HK1: variants seen among roughly 807,000 people sequenced by gnomAD.
HK1 encodes hexokinase-1.
A neutral mutation model predicts 91.6 loss-of-function variants in HK1; 28 were observed. The ratio of observed to expected loss-of-function variants is 0.31; its 90% confidence interval spans 0.23 to 0.42. The LOEUF (loss-of-function observed/expected upper bound fraction) is 0.42, where lower values mean the gene tolerates loss of function less well. Among genes scored for constraint, HK1 ranks in the 10% least tolerant of loss-of-function variants. HK1 has a pLI of 1.00. For synonymous variants in HK1, 430 were observed against 468.1 expected (o/e 0.92, Z 1.05); for missense variants, 770 against 1,219.8 (o/e 0.63, Z 5.49).
intron 1 of HK1, among the ~76,000 whole-genome samples, chr10:69,335,217 G>A (rs1475873688): frequency 6.6e-6 from 1 of 152,216 alleles, no homozygotes; most frequent in Admixed American, 6.5e-5. Flanking sequence ...GTGCAGTCAG[G>A]AAGAGGAGTC....
intron 13 of HK1, 41 bp from the exon 14 acceptor site, chr10:69,389,156 A>C (rs1181917091): frequency 1.3e-6 from 2 of 1,488,762 alleles, no homozygotes; most frequent in Non-Finnish European, 1.9e-6. Context: ...AGCCAGGCAT[A>C]GTGATCCTAT....
chr10:69,310,276 C>G (rs1846306559), intron 5 of HK1, among the ~76,000 whole-genome samples: 1 of 151,574 alleles, frequency 6.6e-6, no homozygotes, highest in African/African-American at 2.4e-5. Context: ...CAAAAATTAG[C>G]CGGGTGTGGT....
At chr10:69,279,270 C>T (rs1047835598) in intron 1 of HK1, among the ~76,000 whole-genome samples, 5 of 152,186 alleles carry the variant, frequency 3.3e-5, no homozygotes, top group Non-Finnish European at 7.3e-5. Flanking sequence ...TGCCCTCTTC[C>T]TCATGTGGTG....
At chr10:69,361,441 C>T (rs1009635719) in intron 3 of HK1, among the ~76,000 whole-genome samples, 1 of 152,260 alleles carries the variant, frequency 6.6e-6, no homozygotes, top group African/African-American at 2.4e-5. Context: ...TGGCATCCTG[C>T]ACTTTCTGTT....
At chr10:69,373,240 C>T (rs1161779091) in intron 7 of HK1, among the ~76,000 whole-genome samples, 1 of 152,228 alleles carries the variant, frequency 6.6e-6, no homozygotes, top group Non-Finnish European at 1.5e-5. Context: ...GGGCTCTAGA[C>T]TACCAACAGC....
chr10:69,377,405 A>G (rs1430388723), intron 8 of HK1, among the ~76,000 whole-genome samples: 2 of 150,698 alleles, frequency 1.3e-5, no homozygotes, highest in African/African-American at 4.9e-5. Context: ...GGGTAAGATT[A>G]GCGTCCAGGA....
At chr10:69,378,492 C>T (rs1251113254) in intron 8 of HK1, among the ~76,000 whole-genome samples, 1 of 151,930 alleles carries the variant, frequency 6.6e-6, no homozygotes, top group Non-Finnish European at 1.5e-5. Flanking sequence ...GTATGAGAAT[C>T]AAAAAAGAAG....
intron 1 of HK1, among the ~76,000 whole-genome samples, chr10:69,330,789 C>T (rs1847673265): frequency 6.6e-6 from 1 of 152,172 alleles, no homozygotes; most frequent in African/African-American, 2.4e-5. Flanking sequence ...TAGATCATAT[C>T]CCCTTTCTCC....
In HK1 at chr10:69,386,394, A is replaced by G; in HGVS notation, c.1911A>G (p.Leu637=). The change falls in exon 13 of 18, where the codon CTA becomes CTG. Residue 637 remains leucine (L), a synonymous_variant. Transcript: ENST00000359426. ...TGGGCCACGATGTAGTCACCTTACT[A>G]AGGGATGCGATAAAAAGGAGAGAGG... ...DCVGHDVVTL[L]RDAIKRREEF... The G allele has an allele frequency of 6.2e-7, 1 of 1,613,386 alleles. No homozygotes were observed. Among genetic ancestry groups the G allele is most frequent in the Non-Finnish European group, 8.5e-7 (1 of 1,179,282 alleles).
chr10:69,361,800 C>A (rs923642008), intron 3 of HK1, among the ~76,000 whole-genome samples: 2 of 152,132 alleles, frequency 1.3e-5, no homozygotes, highest in Admixed American at 6.6e-5. Context: ...AATGTAGTAC[C>A]ATTATAGCAA....
chr10:69,286,963 C>A (rs957910442), intron 2 of HK1, among the ~76,000 whole-genome samples: 9 of 152,276 alleles, frequency 5.9e-5, no homozygotes, highest in Admixed American at 3.9e-4. Flanking sequence ...CAGGGCTCTC[C>A]ATATCATTTT....
At chr10:69,288,122 C>A (rs747900980) in intron 2 of HK1, among the ~76,000 whole-genome samples, 2 of 152,196 alleles carry the variant, frequency 1.3e-5, no homozygotes, top group African/African-American at 2.4e-5. Flanking sequence ...CCACTGCACT[C>A]CAACCTGGTC....
At chr10:69,377,171 G>C (rs1037407165) in intron 8 of HK1, 82 bp downstream of exon 8, 10 of 1,531,642 alleles carry the variant, frequency 6.5e-6, no homozygotes, top group Non-Finnish European at 8.1e-6. Flanking sequence ...TTGAGTCCAA[G>C]TTTGGTGGCT....
At chr10:69,375,174 A>G (rs1253420222) in intron 7 of HK1, among the ~76,000 whole-genome samples, 1 of 152,240 alleles carries the variant, frequency 6.6e-6, no homozygotes, top group African/African-American at 2.4e-5. Context: ...ATGAGGATGA[A>G]AAAAGTTAAT....
chr10:69,295,303 T>G (rs1164912271), intron 3 of HK1, among the ~76,000 whole-genome samples: 1 of 152,158 alleles, frequency 6.6e-6, no homozygotes. Context: ...GACCGGCACA[T>G]CTGTCTTTCT....
chr10:69,339,472 T>G (rs1328097913), intron 1 of HK1, among the ~76,000 whole-genome samples: 1 of 152,206 alleles, frequency 6.6e-6, no homozygotes, highest in Non-Finnish European at 1.5e-5. Context: ...TCATGTCTCT[T>G]CTGAGAGGGG....
intron 2 of HK1, among the ~76,000 whole-genome samples, chr10:69,287,737 G>T (rs1295413033): frequency 1.3e-5 from 2 of 151,956 alleles, no homozygotes; most frequent in East Asian, 1.9e-4. Flanking sequence ...CACTTTAAAG[G>T]GTGAGTCTTT....
chr10:69,319,082 CT>C, intron 1 of HK1, 72 bp downstream of exon 1: 1 of 1,518,968 alleles, frequency 6.6e-7, no homozygotes, highest in Non-Finnish European at 8.9e-7. Context: ...GCCGCCTCCG[CT>C]GCCTCCATCC....
At chr10:69,328,888 A>G (rs1033568917) in intron 1 of HK1, among the ~76,000 whole-genome samples, 5 of 151,908 alleles carry the variant, frequency 3.3e-5, no homozygotes, top group African/African-American at 1.2e-4. Flanking sequence ...GACATTTCAT[A>G]TAAATGGAAT....
Sources: gnomAD v4.1 joint callset for allele counts (sites outside exome capture counted in the v4.1 genomes callset) on GRCh38, gnomAD v4.1.1 for gene constraint, MANE v1.5 for transcripts, NCBI Gene and HGNC (gene_info 2026-07-23, HGNC 2026-07-21) for gene names.